The following PIK3CB variants were observed in gnomAD, a reference collection of about 807,000 sequenced individuals.
PIK3CB encodes phosphatidylinositol 4,5-bisphosphate 3-kinase catalytic subunit beta isoform.
Under a neutral mutation model 136.8 loss-of-function variants are expected in PIK3CB, and 39 were observed. That is an observed-to-expected ratio of 0.29 (90% CI 0.22 to 0.37). The LOEUF (loss-of-function observed/expected upper bound fraction) is 0.37. PIK3CB is among the 10% of genes least tolerant of loss of function. PIK3CB has a pLI of 1.00. For missense variants in PIK3CB, 868 were observed against 1,275.4 expected, an observed-to-expected ratio of 0.68 and a Z score of 4.87; for synonymous variants, 428 against 436.6, an observed-to-expected ratio of 0.98 and a Z score of 0.25.
intron 2 of PIK3CB, among the ~76,000 whole-genome samples, chr3:138,790,196 T>A (rs1297456310): frequency 6.6e-6 from 1 of 151,862 alleles, no homozygotes; most frequent in Non-Finnish European, 1.5e-5. Flanking sequence ...GAGGGGGCAA[T>A]GAGAAGTTAT....
intron 2 of PIK3CB, among the ~76,000 whole-genome samples, chr3:138,781,316 C>T (rs576597678): frequency 4.5e-4 from 67 of 150,450 alleles, no homozygotes; most frequent in African/African-American, 1.5e-3. Context: ...CAACAAAAAA[C>T]GAAAATGAAA....
At chr3:138,760,740 T>G (rs554296293) in intron 2 of PIK3CB, among the ~76,000 whole-genome samples, 113 of 152,030 alleles carry the variant, frequency 7.4e-4, no homozygotes, top group Non-Finnish European at 1.2e-3. Context: ...ACCCTGTCTC[T>G]ACAAAACATA....
intron 8 of PIK3CB, among the ~76,000 whole-genome samples, chr3:138,732,811 A>G (rs1362102019): frequency 2.0e-5 from 3 of 151,518 alleles, no homozygotes; most frequent in African/African-American, 7.3e-5. Flanking sequence ...AAAACATGAG[A>G]TCTATAGTTT....
intron 8 of PIK3CB, among the ~76,000 whole-genome samples, chr3:138,725,050 A>C (rs546299457): frequency 4.1e-4 from 62 of 152,260 alleles, no homozygotes; most frequent in African/African-American, 1.4e-3. Flanking sequence ...TTGAAAATTT[A>C]CCTGTTGGGC....
chr3:138,816,965 C>G (rs1272074428), intron 1 of PIK3CB, among the ~76,000 whole-genome samples: 1 of 152,044 alleles, frequency 6.6e-6, no homozygotes, highest in Admixed American at 6.6e-5. Flanking sequence ...CTTTGGGAGG[C>G]CAAGGCAGGT....
At chr3:138,675,262 A>C (rs964652750) in intron 19 of PIK3CB, among the ~76,000 whole-genome samples, 2 of 152,200 alleles carry the variant, frequency 1.3e-5, no homozygotes, top group Non-Finnish European at 2.9e-5. Flanking sequence ...TCAATTATCC[A>C]ATCAGAGAAA....
At chr3:138,750,336 A>G (rs2045445431) in intron 4 of PIK3CB, among the ~76,000 whole-genome samples, 1 of 151,954 alleles carries the variant, frequency 6.6e-6, no homozygotes, top group African/African-American at 2.4e-5. Context: ...TATTAACTAT[A>G]GTCACGGTGC....
intron 2 of PIK3CB, among the ~76,000 whole-genome samples, chr3:138,773,454 T>C (rs557058810): frequency 5.3e-5 from 8 of 152,136 alleles, no homozygotes; most frequent in African/African-American, 1.9e-4. Context: ...GGTATTTCAG[T>C]GGAGAGGGAG....
In PIK3CB at chr3:138,748,129, C is replaced by T. The variant is rs181543015; in HGVS notation, c.398-5348G>A. On this transcript the variant is annotated intron_variant, in intron 4 of 23. Coordinates refer to ENST00000674063, the MANE Select transcript of PIK3CB (RefSeq NM_006219.3). Reference sequence around the variant, plus strand: ...ACATTAATATGAACTTTTTGGAGGGCAATTTTGCAATATTTATTAGAAATC... The same window carrying T: ...ACATTAATATGAACTTTTTGGAGGGTAATTTTGCAATATTTATTAGAAATC... Among the ~76,000 whole-genome samples, 166 of 148,610 alleles carry T rather than the reference C, an allele frequency of 1.1e-3. 1 individual carries two copies. The highest frequency in any genetic ancestry group is 4.0e-3 in the African/African-American group (163 of 40,506).
rs1175276267 is a variant in PIK3CB at position 138,733,417 on chromosome 3, G to C, written c.994C>G (p.Pro332Ala). The change falls in exon 8 of 24, where the codon CCT becomes GCT. Residue 332 changes from proline (P) to alanine (A), a missense_variant. Pro to Ala is a conservative substitution (Grantham distance 27, BLOSUM62 -1). Transcript: ENST00000674063. Reference sequence around the variant, plus strand: ...CCCTTAACCAAGACAATTTGGAAAGGGTTGTTATTTTCCCAAACATGCTGT... The same window carrying C: ...CCCTTAACCAAGACAATTTGGAAAGCGTTGTTATTTTCCCAAACATGCTGT... ...IISHVWENNNPFQIVLVKGNK... is the reference protein window; with the variant it reads ...IISHVWENNNAFQIVLVKGNK... 1 of 1,551,548 alleles carries C rather than the reference G, an allele frequency of 6.4e-7. No individual in the cohort carries two copies. Among genetic ancestry groups the C allele is most frequent in the Non-Finnish European group, 8.9e-7 (1 of 1,126,830 alleles).
In PIK3CB at chr3:138,691,420, C is replaced by G. The variant is rs542125205; in HGVS notation, c.1893-277G>C. Among the ~76,000 whole-genome samples the G allele has an allele frequency of 3.8e-3, 573 of 152,266 alleles. 3 individuals are homozygous for G. The highest frequency in any genetic ancestry group is 6.4e-3 in the Non-Finnish European group (435 of 68,024). ...TGATATGGTCTGGCTTTTGTCCCTACTCAAATCTCACCTCAAATTATAATC... is the reference window on the plus strand; with the variant it reads ...TGATATGGTCTGGCTTTTGTCCCTAGTCAAATCTCACCTCAAATTATAATC... On this transcript the variant is annotated intron_variant, in intron 14 of 23. Transcript: ENST00000674063.
intron 9 of PIK3CB, among the ~76,000 whole-genome samples, chr3:138,713,525 G>T (rs2108580389): frequency 6.6e-6 from 1 of 152,076 alleles, no homozygotes; most frequent in African/African-American, 2.4e-5. Context: ...CAAAAAATTA[G>T]CTGAGTGTGG....
intron 1 of PIK3CB, among the ~76,000 whole-genome samples, chr3:138,807,416 A>G (rs554749654): frequency 2.8e-4 from 43 of 152,346 alleles, no homozygotes; most frequent in Non-Finnish European, 6.0e-4. Flanking sequence ...CATGGGCAAC[A>G]GAGTGAAACT....
At chr3:138,727,173 G>GA (rs2044857123) in intron 8 of PIK3CB, among the ~76,000 whole-genome samples, 1 of 152,220 alleles carries the variant, frequency 6.6e-6, no homozygotes, top group African/African-American at 2.4e-5. Flanking sequence ...GGGAGGCAGA[G>GA]TGGTGAGTCA....
At chr3:138,763,691 A>T (rs760384435) in intron 2 of PIK3CB, among the ~76,000 whole-genome samples, 16 of 152,238 alleles carry the variant, frequency 1.1e-4, no homozygotes, top group Non-Finnish European at 1.5e-5. Context: ...TAATGCCCAG[A>T]GCAGCAATCT....
Position 138,665,204 on chromosome 3 carries a change from C to A in PIK3CB, c.2505-1G>T, listed in dbSNP as rs2043382989. 6.4e-7 allele frequency: 1 copy of A among 1,572,520 alleles called. No homozygotes were observed. The highest frequency in any genetic ancestry group is 8.7e-7 in the Non-Finnish European group (1 of 1,155,764). ...TGCTAAACAGCCATAAGGCAACATC[C>A]TGGAAGGAAAAAAATGGGCATAGAG... On this transcript the variant is annotated splice_acceptor_variant, in intron 19 of 23. Transcript: ENST00000674063. LOFTEE classifies it high-confidence loss of function.
chr3:138,769,512 C>A (rs1652452196), intron 2 of PIK3CB, among the ~76,000 whole-genome samples: 2 of 152,164 alleles, frequency 1.3e-5, no homozygotes, highest in South Asian at 4.1e-4. Context: ...GATATTCAAA[C>A]TAAAACCACA....
intron 1 of PIK3CB, chr3:138,825,251 G>T: frequency 2.7e-6 from 1 of 376,984 alleles, no homozygotes; most frequent in South Asian, 5.0e-5. Context: ...TCAATAACAT[G>T]ATTATAGGGA....
intron 1 of PIK3CB, among the ~76,000 whole-genome samples, chr3:138,809,472 G>A (rs2046269949): frequency 6.6e-6 from 1 of 151,794 alleles, no homozygotes; most frequent in Non-Finnish European, 1.5e-5. Flanking sequence ...TGGGCATGGT[G>A]GCAGGCGCCT....
Sources: allele counts gnomAD v4.1 joint callset (sites outside exome capture counted in the v4.1 genomes callset), GRCh38; gene constraint gnomAD v4.1.1; transcripts MANE v1.5; gene names NCBI Gene and HGNC (gene_info 2026-07-23, HGNC 2026-07-21).